WDR47: variants seen among roughly 807,000 people sequenced by gnomAD.
WDR47 encodes the protein WD repeat domain 47, also known as WD repeat-containing protein 47.
Under a neutral mutation model 97.2 loss-of-function variants are expected in WDR47, and 32 were observed. That is an observed-to-expected ratio of 0.33 (90% CI 0.25 to 0.44). WDR47 has a LOEUF of 0.44. WDR47 is among the 20% of genes least tolerant of loss of function. WDR47 has a pLI of 1.00. For missense variants in WDR47, 782 were observed against 1,102.3 expected (o/e 0.71, Z 4.11); for synonymous variants, 375 against 373.5 (o/e 1.00, Z -0.05).
chr1:109,004,749 C>G, intron 5 of WDR47, 34 bp from the exon 6 acceptor site: 1 of 1,561,524 alleles, frequency 6.4e-7, no homozygotes, highest in Non-Finnish European at 8.6e-7. Flanking sequence ...AACAAAAAGG[C>G]AGAGGGGGGA....
intron 1 of WDR47, among the ~76,000 whole-genome samples, chr1:109,033,676 T>A (rs1416179252): frequency 6.6e-6 from 1 of 152,134 alleles, no homozygotes; most frequent in South Asian, 2.1e-4. Context: ...ATCCCAGCAC[T>A]CTGGGAGGCC....
At chr1:109,017,300 G>GTGGGAGGATTGCTCCCA (rs1343579323) in intron 3 of WDR47, among the ~76,000 whole-genome samples, 12 of 152,154 alleles carry the variant, frequency 7.9e-5, no homozygotes, top group Non-Finnish European at 1.3e-4. Context: ...CTACTTGAGA[G>GTGGGAGGATTGCTCCCA]GCTGAAGTGG....
chr1:109,038,235 A>G (rs1482426042), intron 1 of WDR47, among the ~76,000 whole-genome samples: 1 of 152,218 alleles, frequency 6.6e-6, no homozygotes, highest in African/African-American at 2.4e-5. Flanking sequence ...CAATAAATGT[A>G]AATTCCTTCC....
Position 108,974,599 on chromosome 1 carries a change from G to A in WDR47, c.2554C>T (p.Pro852Ser), listed in dbSNP as rs1657739076. 1 of 1,613,962 alleles carries A rather than the reference G, an allele frequency of 6.2e-7. No individual in the cohort carries two copies. The change falls in exon 14 of 15, where the codon CCT becomes TCT. Residue 852 changes from proline (P) to serine (S), a missense_variant. This residue lies in a region of WDR47 where 228 missense variants were observed against 396.7 expected (regional missense o/e 0.57). Transcript: ENST00000369962. ...CCTGTTAGCAAGTAGTGAGCTCCAG[G>A]GGAGAATCGAACAGAGCGAACATCA... ...SSDVRSVRFS[P>S]GAHYLLTGSY...
At chr1:108,977,086 A>G (rs1271586455) in intron 13 of WDR47, among the ~76,000 whole-genome samples, 1 of 152,158 alleles carries the variant, frequency 6.6e-6, no homozygotes. Flanking sequence ...GGTTCAGTTG[A>G]GAGATGATGG....
At chr1:109,010,865 A>C (rs776706429) in intron 5 of WDR47, 51 bp downstream of exon 5, 1 of 1,543,770 alleles carries the variant, frequency 6.5e-7, no homozygotes, top group African/African-American at 1.4e-5. Context: ...TACAGGCATA[A>C]GCCACTGCAC....
intron 1 of WDR47, among the ~76,000 whole-genome samples, chr1:109,025,430 C>CA (rs34794200): frequency 4.6e-4 from 47 of 101,764 alleles, no homozygotes; most frequent in South Asian, 4.3e-3. Context: ...GACTCTGCCT[C>CA]AAAAAAAAAA....
rs1452961317 is a variant in WDR47 at position 109,011,730 on chromosome 1, A to G, written c.328-12T>C. 4 of 1,564,258 alleles carry G rather than the reference A, an allele frequency of 2.6e-6. No homozygotes were observed. In the East Asian group the frequency reaches 9.0e-5, roughly 35 times the overall value. On this transcript the variant is annotated splice_polypyrimidine_tract_variant and intron_variant, in intron 4 of 14. Transcript: ENST00000369962. Reference sequence around the variant, plus strand: ...ATGGTAAATTCCAGCTGTAAGAAAAATATAAATGATCAAATAATCACTATA... The same window carrying G: ...ATGGTAAATTCCAGCTGTAAGAAAAGTATAAATGATCAAATAATCACTATA...
chr1:109,017,359 T>C (rs1001676879), intron 3 of WDR47, among the ~76,000 whole-genome samples, 159 bp downstream of exon 3: 1 of 152,168 alleles, frequency 6.6e-6, no homozygotes, highest in Non-Finnish European at 1.5e-5. Flanking sequence ...GCTGTGATCA[T>C]GCCACCACAC....
At chr1:109,002,014 C>T (rs1660241611) in intron 7 of WDR47, among the ~76,000 whole-genome samples, 1 of 152,156 alleles carries the variant, frequency 6.6e-6, no homozygotes, top group African/African-American at 2.4e-5. Flanking sequence ...TGAACCTCTG[C>T]ACTCTTCTGC....
At chr1:108,981,605 GTAAC>G (rs1291667153) in intron 13 of WDR47, 124 bp downstream of exon 13, 48 of 918,576 alleles carry the variant, frequency 5.2e-5, no homozygotes, top group Admixed American at 3.3e-5. Context: ...AGAACTGAAA[GTAAC>G]TAATAAAATA....
In WDR47 at chr1:109,018,009, A is replaced by G. The variant is rs559296349; in HGVS notation, c.159-408T>C. ...GGTGATCCACCCACCTCAGCCTCTC[A>G]AAGTGCTGGGATTACAAGCGTGAGT... On this transcript the variant is annotated intron_variant, in intron 2 of 14. Coordinates refer to ENST00000369962, the MANE Select transcript of WDR47 (RefSeq NM_001142551.2). Among the ~76,000 whole-genome samples the G allele has an allele frequency of 1.3e-3, 198 of 151,954 alleles. 1 individual carries two copies. Among genetic ancestry groups the G allele is most frequent in the African/African-American group, 4.4e-3 (184 of 41,472 alleles).
intron 10 of WDR47, 40 bp from the exon 11 acceptor site, chr1:108,983,491 C>G: frequency 6.7e-7 from 1 of 1,497,868 alleles, no homozygotes; most frequent in East Asian, 2.5e-5. Context: ...CAATTTCTTG[C>G]TTGCTACAAT....
chr1:109,037,749 G>GA (rs1315489970), intron 1 of WDR47, among the ~76,000 whole-genome samples: 3 of 151,682 alleles, frequency 2.0e-5, no homozygotes, highest in African/African-American at 7.3e-5. Flanking sequence ...TTAGCCATAG[G>GA]AAAAAAACAT....
intron 9 of WDR47, chr1:108,987,155 T>G (rs1658892500): frequency 5.3e-6 from 1 of 188,150 alleles, no homozygotes; most frequent in African/African-American, 2.4e-5. Context: ...TTCTCCTGGA[T>G]AGTTTCTAAT....
chr1:108,997,261 CAA>C (rs539998525), intron 7 of WDR47, among the ~76,000 whole-genome samples: 18 of 122,148 alleles, frequency 1.5e-4, no homozygotes, highest in Non-Finnish European at 1.9e-4. Context: ...CCGTCTCTCC[CAA>C]AAAAAAAAAA....
chr1:109,008,792 G>C (rs528964072), intron 5 of WDR47, among the ~76,000 whole-genome samples: 1 of 151,674 alleles, frequency 6.6e-6, no homozygotes, highest in East Asian at 2.0e-4. Context: ...ATTTTTAGTA[G>C]AGACAGGGTT....
chr1:109,017,398 T>C (rs990832864), intron 3 of WDR47, 120 bp downstream of exon 3: 14 of 793,980 alleles, frequency 1.8e-5, no homozygotes, highest in African/African-American at 1.4e-4. Context: ...GAGAGATCAA[T>C]TTGTTTACTC....
intron 2 of WDR47, among the ~76,000 whole-genome samples, chr1:109,020,242 T>G (rs1446546599): frequency 4.6e-5 from 7 of 151,272 alleles, no homozygotes; most frequent in Non-Finnish European, 5.9e-5. Flanking sequence ...GTTGTTTTTT[T>G]TTTTTTTTTT....
Sources: allele counts gnomAD v4.1 joint callset (sites outside exome capture counted in the v4.1 genomes callset), GRCh38; gene constraint gnomAD v4.1.1; regional missense constraint gnomAD v4.1.1; transcripts MANE v1.5; gene names NCBI Gene and HGNC (gene_info 2026-07-23, HGNC 2026-07-21).